The following RDH11 variants were observed in gnomAD, a reference collection of about 807,000 sequenced individuals.
RDH11 encodes the protein HCV core-binding protein HCBP12.
In RDH11, 19 loss-of-function variants were observed where a neutral mutation model predicts 33.4. The observed-to-expected ratio is 0.57, with a 90% CI of 0.40 to 0.83. RDH11 has a LOEUF of 0.83. Among genes scored for constraint, RDH11 ranks in the 40% least tolerant of loss-of-function variants. The pLI, the probability that RDH11 is intolerant of heterozygous loss-of-function variation, is 0.00. For synonymous variants in RDH11, 154 were observed against 155.3 expected, an observed-to-expected ratio of 0.99 and a Z score of 0.06; for missense variants, 353 against 389.0, an observed-to-expected ratio of 0.91 and a Z score of 0.78.
intron 6 of RDH11, among the ~76,000 whole-genome samples, chr14:67,680,336 T>G: frequency 6.6e-6 from 1 of 152,234 alleles, no homozygotes; most frequent in East Asian, 1.9e-4. Context: ...ACTCAGCCTT[T>G]GTAAGCCTCT....
At chr14:67,681,465 AC>A (rs1197587700) in intron 6 of RDH11, among the ~76,000 whole-genome samples, 1 of 152,068 alleles carries the variant, frequency 6.6e-6, no homozygotes, top group African/African-American at 2.4e-5. Flanking sequence ...ATGAAGGTTG[AC>A]CCCTACCTCA....
rs1441835889 is a variant in RDH11 at position 67,678,352 on chromosome 14, C to T, written c.926G>A (p.Ser309Asn). Residue 309 changes from serine to asparagine, a missense_variant, in exon 7 of 7, where the codon AGT (serine) becomes AAT (asparagine). Transcript: ENST00000381346. ...TATTGGGAGGCCCAGCAGGTCACAA[C>T]TGACGTCCCACAGCCGCCTTGCTAT... Reference protein sequence around the residue: ...ETIARRLWDVSCDLLGLPID With the variant: ...ETIARRLWDVNCDLLGLPID 6.2e-7 allele frequency: 1 copy of T among 1,614,074 alleles called. No individual in the cohort carries two copies.
At chr14:67,694,122 T>C (rs936575053) in intron 1 of RDH11, among the ~76,000 whole-genome samples, 3 of 152,154 alleles carry the variant, frequency 2.0e-5, no homozygotes, top group African/African-American at 7.2e-5. Context: ...TTTCAGCCTT[T>C]TTCATTGAAC....
intron 5 of RDH11, among the ~76,000 whole-genome samples, chr14:67,689,552 C>T (rs1236596568): frequency 6.6e-6 from 1 of 152,114 alleles, no homozygotes; most frequent in Non-Finnish European, 1.5e-5. Context: ...CTCAGTCTCA[C>T]TGTGAGTAAA....
rs142826697 is a variant in RDH11 at position 67,678,389 on chromosome 14, G to A, written c.889C>T (p.Arg297Cys). ...AGCCGCCTTGCTATAGTCTCATTACGAGCTTGGGCAGAGACCCATGCCACA... is the reference window on the plus strand; with the variant it reads ...AGCCGCCTTGCTATAGTCTCATTACAAGCTTGGGCAGAGACCCATGCCACA... ...CHVAWVSAQA[R>C]NETIARRLWD... Residue 297 changes from arginine to cysteine, a missense_variant, in exon 7 of 7, where the codon CGT (arginine) becomes TGT (cysteine). Transcript: ENST00000381346. 3 of 1,613,748 alleles carry A rather than the reference G, an allele frequency of 1.9e-6. No individual in the cohort carries two copies. The East Asian group carries it at 6.7e-5, about 36-fold the overall frequency.
chr14:67,681,687 C>CA lies in RDH11; in HGVS notation c.855-3265dup, dbSNP rs1165010495. Among the ~76,000 whole-genome samples the CA allele has an allele frequency of 2.0e-5, 3 of 152,264 alleles. No individual in the cohort carries two copies. In the East Asian group the frequency reaches 5.8e-4, roughly 29 times the overall value. On this transcript the variant is annotated intron_variant, in intron 6 of 6. Transcript: ENST00000381346. Reference sequence around the variant, plus strand: ...GTCCCAGCTACTCGGGAGGCTGAGACAGGAGAATTGCTTGAACCCAGGAGG... The same window carrying CA: ...GTCCCAGCTACTCGGGAGGCTGAGACAAGGAGAATTGCTTGAACCCAGGAGG...
At chr14:67,683,668 GGAT>G (rs1388721796) in intron 6 of RDH11, among the ~76,000 whole-genome samples, 1 of 152,190 alleles carries the variant, frequency 6.6e-6, no homozygotes, top group Non-Finnish European at 1.5e-5. Flanking sequence ...CCTAGAGAAT[GGAT>G]GATAAGCAAT....
chr14:67,690,315 G>C lies in RDH11; in HGVS notation c.561C>G (p.Phe187Leu), dbSNP rs934388616. 2 of 1,614,184 alleles carry C rather than the reference G, an allele frequency of 1.2e-6. No individual in the cohort carries two copies. Among genetic ancestry groups the C allele is most frequent in the Admixed American group, 3.3e-5 (2 of 60,030 alleles). The change falls in exon 5 of 7, where the codon TTC (phenylalanine) becomes TTG (leucine). Residue 187 changes from phenylalanine to leucine, a missense_variant. Coordinates refer to ENST00000381346, the MANE Select transcript of RDH11 (RefSeq NM_016026.4). ...SLAHHLGRIHFHNLQGEKFYN... is the reference protein window; with the variant it reads ...SLAHHLGRIHLHNLQGEKFYN... ...AGAATTTCTCGCCCTGCAGGTTATG[G>C]AAGTGGATCCTTCCCAGGTGATGTG... is the stretch of plus-strand genomic sequence containing the variant.
At chr14:67,683,300 A>G (rs1449475936) in intron 6 of RDH11, among the ~76,000 whole-genome samples, 1 of 152,016 alleles carries the variant, frequency 6.6e-6, no homozygotes, top group Admixed American at 6.5e-5. Flanking sequence ...TTTTTCTTAA[A>G]ATCTCTAGGG....
intron 1 of RDH11, 141 bp downstream of exon 1, chr14:67,695,489 C>T: frequency 1.3e-6 from 1 of 772,920 alleles, no homozygotes; most frequent in Non-Finnish European, 2.0e-6. Flanking sequence ...TGGACCTCGC[C>T]TCCAACCCAC....
chr14:67,689,376 AC>A (rs1404242559), intron 5 of RDH11, among the ~76,000 whole-genome samples: 1 of 152,168 alleles, frequency 6.6e-6, no homozygotes, highest in Admixed American at 6.5e-5. Context: ...TCCAGAGTAG[AC>A]AGTGCTAAGG....
At chr14:67,683,010 A>G (rs2037633160) in intron 6 of RDH11, among the ~76,000 whole-genome samples, 2 of 152,258 alleles carry the variant, frequency 1.3e-5, no homozygotes, top group Admixed American at 1.3e-4. Context: ...TTCCATTTAT[A>G]TGAAATGTCC....
intron 2 of RDH11, 85 bp downstream of exon 2, chr14:67,692,848 TG>T (rs2037768393): frequency 9.3e-7 from 1 of 1,077,476 alleles, no homozygotes; most frequent in Non-Finnish European, 1.4e-6. Flanking sequence ...ATTCCAAAAC[TG>T]GGAAGAAACA....
At chr14:67,690,605 T>A (rs2037737064) in intron 4 of RDH11, 184 bp from the exon 5 acceptor site, 1 of 593,524 alleles carries the variant, frequency 1.7e-6, no homozygotes, top group African/African-American at 1.9e-5. Flanking sequence ...GCCAAAGACA[T>A]GAGGCATCCT....
rs959998005 is a variant in RDH11 at position 67,691,204 on chromosome 14, C to T, written c.390G>A (p.Val130=). The change falls in exon 4 of 7, where the codon GTG becomes GTA. Residue 130 remains valine (V), a synonymous_variant. Coordinates refer to ENST00000381346, the MANE Select transcript of RDH11 (RefSeq NM_016026.4). ...CTGTCTTCGAGTACGGACACATCAT[C>T]ACTCCTGCATTGTTGATCAAAACGT... ...HLHVLINNAG[V]MMCPYSKTAD... 6.2e-6 allele frequency: 10 copies of T among 1,614,012 alleles called. No individual in the cohort carries two copies. The highest frequency in any genetic ancestry group is 1.3e-5 in the African/African-American group (1 of 74,924).
rs1470580564 is a variant in RDH11, at chr14:67,677,256, A to G, written c.*1065T>C. 3 of 152,100 alleles carry G rather than the reference A, an allele frequency of 2.0e-5. No homozygotes were observed. Among genetic ancestry groups the G allele is most frequent in the African/African-American group, 7.2e-5 (3 of 41,418 alleles). 9.4% of individuals were successfully genotyped at this position (152,100 alleles called of 1,614,324 possible). A position where few individuals can be genotyped will look rare whatever the true frequency, so the allele number is the denominator to read the frequency against. ...CATTTTAATCTTGTCAAGACAATGT[A>G]AGGAAATGCCCCAAAATATTATTAA... On this transcript the variant is annotated 3_prime_UTR_variant, in exon 7 of 7. Coordinates refer to ENST00000381346, the MANE Select transcript of RDH11 (RefSeq NM_016026.4).
At chr14:67,691,494 C>T (rs138196826) in intron 3 of RDH11, 1 of 367,936 alleles carries the variant, frequency 2.7e-6, no homozygotes, top group Non-Finnish European at 4.9e-6. Context: ...TCAGGAGCTA[C>T]TTACTCACTG....
intron 1 of RDH11, 94 bp downstream of exon 1, chr14:67,695,536 G>A: frequency 1.6e-6 from 2 of 1,275,872 alleles, no homozygotes; most frequent in Non-Finnish European, 2.2e-6. Flanking sequence ...GCCCCCCCAG[G>A]GGAGTTTTCC....
At chr14:67,679,014 C>T (rs12435531) in intron 6 of RDH11, among the ~76,000 whole-genome samples, 13,737 of 152,108 alleles carry the variant, frequency 0.09, 873 homozygotes, top group East Asian at 0.23. Flanking sequence ...TAACAGAATA[C>T]GACAAACTGG....
Sources: gnomAD v4.1 joint callset for allele counts (sites outside exome capture counted in the v4.1 genomes callset) on GRCh38, gnomAD v4.1.1 for gene constraint, MANE v1.5 for transcripts, NCBI Gene and HGNC (gene_info 2026-07-23, HGNC 2026-07-21) for gene names.